Variants in CERS6 observed in about 807,000 individuals in gnomAD.
CERS6 encodes the protein LAG1 homolog, ceramide synthase 6.
Under a neutral mutation model 56.8 loss-of-function variants are expected in CERS6, and 26 were observed. The ratio of observed to expected loss-of-function variants is 0.46; its 90% confidence interval spans 0.34 to 0.63. CERS6 has a LOEUF of 0.63. Among genes scored for constraint, CERS6 ranks in the 30% least tolerant of loss-of-function variants. The probability of loss-of-function intolerance (pLI) is 0.01; values close to 1 mark genes in which losing one functional copy is unlikely to be tolerated. For synonymous variants in CERS6, 164 were observed against 173.3 expected (o/e 0.95, Z 0.42); for missense variants, 415 against 467.5 (o/e 0.89, Z 1.04).
chr2:168,639,612 C>T (rs1167739516), intron 4 of CERS6, among the ~76,000 whole-genome samples: 1 of 152,110 alleles, frequency 6.6e-6, no homozygotes, highest in Admixed American at 6.5e-5. Context: ...TGTTCTACTT[C>T]TGCTTGTGAA....
intron 3 of CERS6, among the ~76,000 whole-genome samples, chr2:168,600,798 T>C (rs1683917016): frequency 1.3e-5 from 2 of 152,230 alleles, no homozygotes; most frequent in African/African-American, 4.8e-5. Flanking sequence ...CTTGTACTCA[T>C]TAAATCTTAG....
intron 4 of CERS6, among the ~76,000 whole-genome samples, chr2:168,665,952 CTGTG>C (rs58913968): frequency 0.32 from 45,858 of 142,968 alleles, 7,968 homozygotes; most frequent in Non-Finnish European, 0.41. Flanking sequence ...AATTAGTAGA[CTGTG>C]TGTGTGTGTG....
At chr2:168,730,254 C>A (rs570349129) in intron 8 of CERS6, among the ~76,000 whole-genome samples, 4 of 152,116 alleles carry the variant, frequency 2.6e-5, no homozygotes, top group Non-Finnish European at 5.9e-5. Context: ...CACAGCTGGT[C>A]ATAAAACAGA....
chr2:168,586,492 T>TA (rs1272495574), intron 3 of CERS6, among the ~76,000 whole-genome samples: 2 of 152,158 alleles, frequency 1.3e-5, no homozygotes, highest in African/African-American at 2.4e-5. Flanking sequence ...TTTTCCTCCT[T>TA]ATGTACCTTG....
intron 1 of CERS6, among the ~76,000 whole-genome samples, chr2:168,470,288 T>C (rs966173411): frequency 6.7e-6 from 1 of 150,156 alleles, no homozygotes; most frequent in African/African-American, 2.5e-5. Context: ...GAGGCTGAGA[T>C]GGGAGGATCG....
chr2:168,525,817 C>T (rs1352424396), intron 1 of CERS6, among the ~76,000 whole-genome samples: 2 of 152,214 alleles, frequency 1.3e-5, no homozygotes, highest in Non-Finnish European at 2.9e-5. Context: ...AATAAGAACT[C>T]ATTTAAGTCA....
At chr2:168,769,374 G>A (rs1240668063) in intron 9 of CERS6, 136 bp from the exon 10 acceptor site, 3 of 736,638 alleles carry the variant, frequency 4.1e-6, no homozygotes, top group Non-Finnish European at 6.4e-6. Flanking sequence ...TTATTGCTCT[G>A]GCAATGTTCT....
chr2:168,507,677 TC>T (rs948706779), intron 1 of CERS6, among the ~76,000 whole-genome samples: 2 of 152,114 alleles, frequency 1.3e-5, no homozygotes, highest in Non-Finnish European at 2.9e-5. Flanking sequence ...AACATCTTGT[TC>T]CTTATCAAAT....
chr2:168,726,069 T>TC (rs1683342433), intron 8 of CERS6, among the ~76,000 whole-genome samples: 1 of 152,228 alleles, frequency 6.6e-6, no homozygotes, highest in Admixed American at 6.5e-5. Flanking sequence ...CATTGTAACA[T>TC]CCATCAACAG....
chr2:168,471,109 G>A (rs1693969952), intron 1 of CERS6, among the ~76,000 whole-genome samples: 1 of 152,180 alleles, frequency 6.6e-6, no homozygotes, highest in South Asian at 2.1e-4. Context: ...AACCAATTTA[G>A]GACCATGGCT....
At chr2:168,601,757 C>T (rs559579445) in intron 3 of CERS6, among the ~76,000 whole-genome samples, 47 of 152,188 alleles carry the variant, frequency 3.1e-4, no homozygotes, top group African/African-American at 1.1e-3. Context: ...ACCATGTTGG[C>T]CATGTTGTTC....
At position 168,525,646 on chromosome 2, in the gene CERS6, C is replaced by G. The variant is rs193061334; in HGVS notation, c.171-21950C>G. Among the ~76,000 whole-genome samples, 9 of 152,262 alleles carry G rather than the reference C, an allele frequency of 5.9e-5. No individual in the cohort carries two copies. In the East Asian group the frequency reaches 1.2e-3, roughly 20 times the overall value. The stretch of plus-strand genomic sequence containing the variant: ...GTATTCAAAGTCCTATACAACGGCC[C>G]GAGCCCCTGTGAAATGATTTTATTT... On this transcript the variant is annotated intron_variant, in intron 1 of 9. Transcript: ENST00000305747.
At position 168,645,140 on chromosome 2, in the gene CERS6, TATAGAGAGAGAG is replaced by T. The variant is rs1354003982; in HGVS notation, c.465+14100_465+14111del. Among the ~76,000 whole-genome samples, 177 of 23,638 alleles carry T rather than the reference TATAGAGAGAGAG, an allele frequency of 7.5e-3. 8 individuals carry two copies. Among genetic ancestry groups the T allele is most frequent in the African/African-American group, 0.026 (131 of 4,946 alleles). The allele number at this position is 23,638 out of a possible 152,430, so 15.5% of individuals were successfully genotyped here. Reference sequence around the variant, plus strand: ...AAATATATATATATATATATATATATATAGAGAGAGAGAGAGAGAGAGAGAGAGAGAGAGAGA... The same window carrying T: ...AAATATATATATATATATATATATATAGAGAGAGAGAGAGAGAGAGAGAGA... On this transcript the variant is annotated intron_variant, in intron 4 of 9. Transcript: ENST00000305747.
At chr2:168,669,160 GA>G (rs1225433571) in intron 4 of CERS6, among the ~76,000 whole-genome samples, 1 of 152,192 alleles carries the variant, frequency 6.6e-6, no homozygotes, top group Non-Finnish European at 1.5e-5. Flanking sequence ...AGGATATGGG[GA>G]CTCTCTGTCT....
At chr2:168,756,319 G>C (rs1230980025) in intron 8 of CERS6, among the ~76,000 whole-genome samples, 1 of 152,208 alleles carries the variant, frequency 6.6e-6, no homozygotes, top group Non-Finnish European at 1.5e-5. Flanking sequence ...ATCTGCCTCA[G>C]TCCTTTCAAA....
rs151126862 is a variant in CERS6, at chr2:168,634,924, C to G, written c.465+3882C>G. Among the ~76,000 whole-genome samples, 4 of 152,270 alleles carry G rather than the reference C, an allele frequency of 2.6e-5. No individual in the cohort carries two copies. In the East Asian group the frequency reaches 7.7e-4, roughly 29 times the overall value. On this transcript the variant is annotated intron_variant, in intron 4 of 9. Coordinates refer to ENST00000305747, the MANE Select transcript of CERS6 (RefSeq NM_203463.3). ...CCTGTGTTGCTCAAAGTAAATTGAT[C>G]TACTGTTTACTACCAGTCTGCAATG...
chr2:168,665,408 C>A (rs191303288), intron 4 of CERS6, among the ~76,000 whole-genome samples: 45 of 152,170 alleles, frequency 3.0e-4, no homozygotes, highest in Admixed American at 5.9e-4. Flanking sequence ...TAAGAGGCTG[C>A]CTTTGCTGAC....
intron 1 of CERS6, among the ~76,000 whole-genome samples, chr2:168,491,669 A>G (rs1017345268): frequency 2.0e-5 from 3 of 152,120 alleles, no homozygotes; most frequent in African/African-American, 7.2e-5. Context: ...TCTGGGATAC[A>G]TGTGCAGAAC....
chr2:168,759,819 AC>A lies in CERS6; in HGVS notation c.846-5769del, dbSNP rs1684516586. Reference sequence around the variant, plus strand: ...TCTTAAATAAGATACTTAAGGCCATACCCCTTTGCATCTAAGCATCTAAGGA... The same window carrying A: ...TCTTAAATAAGATACTTAAGGCCATACCCTTTGCATCTAAGCATCTAAGGA... On this transcript the variant is annotated intron_variant, in intron 8 of 9. Transcript: ENST00000305747. Among the ~76,000 whole-genome samples, 8 of 152,018 alleles carry A rather than the reference AC, an allele frequency of 5.3e-5. No homozygotes were observed. The South Asian group carries it at 1.7e-3, about 32-fold the overall frequency.
Sources: gnomAD v4.1 joint callset for allele counts (sites outside exome capture counted in the v4.1 genomes callset) on GRCh38, gnomAD v4.1.1 for gene constraint, MANE v1.5 for transcripts, NCBI Gene and HGNC (gene_info 2026-07-23, HGNC 2026-07-21) for gene names.